Variants in TNNI3K observed in about 807,000 individuals in gnomAD.
The protein encoded by TNNI3K is TNNI3 interacting kinase.
A neutral mutation model predicts 114.5 loss-of-function variants in TNNI3K; 140 were observed. The observed-to-expected ratio is 1.22, with a 90% CI of 1.07 to 1.41. TNNI3K has a LOEUF of 1.41. Among genes scored for constraint, TNNI3K ranks in the 40% most tolerant of loss-of-function variants. The pLI is 0.00. For synonymous variants in TNNI3K, 347 were observed against 347.5 expected (o/e 1.00, Z 0.02); for missense variants, 1,125 against 1,007.6 (o/e 1.12, Z -1.58).
At chr1:74,440,471 C>A (rs1392932863) in intron 20 of TNNI3K, among the ~76,000 whole-genome samples, 1 of 152,062 alleles carries the variant, frequency 6.6e-6, no homozygotes, top group Non-Finnish European at 1.5e-5. Flanking sequence ...GTTACTTAAA[C>A]ATCCCTTTTA....
intron 4 of TNNI3K, 36 bp from the exon 5 acceptor site, chr1:74,271,562 G>T: frequency 6.4e-7 from 1 of 1,554,986 alleles, no homozygotes; most frequent in Non-Finnish European, 8.7e-7. Context: ...CCTGTTATTA[G>T]CAGAAAAGTA....
intron 5 of TNNI3K, among the ~76,000 whole-genome samples, chr1:74,315,295 GATA>G (rs1659247630): frequency 6.6e-6 from 1 of 152,108 alleles, no homozygotes; most frequent in African/African-American, 2.4e-5. Flanking sequence ...TTCCAAGACT[GATA>G]TTTAAACACA....
Position 74,367,976 on chromosome 1 carries a change from C to A in TNNI3K, c.1321+12C>A. 1 of 1,553,688 alleles carries A rather than the reference C, an allele frequency of 6.4e-7. No homozygotes were observed. The highest frequency in any genetic ancestry group is 2.1e-5 in the Admixed American group (1 of 48,066). On this transcript the variant is annotated intron_variant, in intron 13 of 24. Coordinates refer to ENST00000326637, the MANE Select transcript of TNNI3K (RefSeq NM_015978.3). ...AAGCATGACAAAAGGTACCTATAAT[C>A]TGGGACAATTGTTATATTTAATTAC...
chr1:74,262,250 T>C (rs1037571594), intron 4 of TNNI3K, among the ~76,000 whole-genome samples: 1 of 152,088 alleles, frequency 6.6e-6, no homozygotes, highest in Non-Finnish European at 1.5e-5. Context: ...TCCTTTGTGT[T>C]ATAAAAATGT....
intron 22 of TNNI3K, among the ~76,000 whole-genome samples, chr1:74,489,486 A>G (rs77675360): frequency 3.9e-4 from 60 of 152,364 alleles, no homozygotes; most frequent in African/African-American, 1.3e-3. Context: ...AGGCAAATGG[A>G]CACAGTCATG....
chr1:74,513,788 G>A (rs1353101525), intron 23 of TNNI3K, among the ~76,000 whole-genome samples: 1 of 152,172 alleles, frequency 6.6e-6, no homozygotes, highest in Admixed American at 6.5e-5. Flanking sequence ...GTGAATTTCA[G>A]CAAATCTAAT....
At position 74,436,542 on chromosome 1, in the gene TNNI3K, T is replaced by C; in HGVS notation, c.1878+16T>C. The C allele has an allele frequency of 6.3e-7, 1 of 1,582,968 alleles. No individual in the cohort carries two copies. The highest frequency in any genetic ancestry group is 8.5e-7 in the Non-Finnish European group (1 of 1,171,466). Reference sequence around the variant, plus strand: ...ACAACCTGGGGTTTGCTGCTGCTTGTGTTTCCTATAATTATAAACCAATTA... The same window carrying C: ...ACAACCTGGGGTTTGCTGCTGCTTGCGTTTCCTATAATTATAAACCAATTA... On this transcript the variant is annotated intron_variant, in intron 19 of 24. Transcript: ENST00000326637.
Position 74,405,845 on chromosome 1 carries a change from T to G in TNNI3K, c.1773-30235T>G, listed in dbSNP as rs118133283. Among the ~76,000 whole-genome samples, 327 of 152,366 alleles carry G rather than the reference T, an allele frequency of 2.1e-3. 12 individuals carry two copies. The East Asian group carries it at 0.052, about 24-fold the overall frequency. On this transcript the variant is annotated intron_variant, in intron 17 of 24. Coordinates refer to ENST00000326637, the MANE Select transcript of TNNI3K (RefSeq NM_015978.3). ...TCAAAAAGTCGGTTGAATACTAATC[T>G]GAAACTTTTACATGTGAACATTGGA...
intron 23 of TNNI3K, among the ~76,000 whole-genome samples, chr1:74,498,645 G>A (rs1474317507): frequency 6.6e-6 from 1 of 151,702 alleles, no homozygotes; most frequent in Non-Finnish European, 1.5e-5. Context: ...AGATTTTTTT[G>A]ACTCCTACAT....
chr1:74,401,785 T>C (rs540485972), intron 17 of TNNI3K: 1 of 438,938 alleles, frequency 2.3e-6, no homozygotes, highest in African/African-American at 2.0e-5. Context: ...TGCTATGTAA[T>C]TAATTCAAAT....
rs898690532 is a variant in TNNI3K at position 74,469,496 on chromosome 1, T to C, written c.2121+5946T>C. ...TATTGTAATACCACTAATTGAGATA[T>C]GTATAATAATTTACATGAAATAAAC... On this transcript the variant is annotated intron_variant, in intron 21 of 24. Coordinates refer to ENST00000326637, the MANE Select transcript of TNNI3K (RefSeq NM_015978.3). The C allele has an allele frequency of 3.1e-5, 5 of 158,786 alleles. No homozygotes were observed. The South Asian group carries it at 1.0e-3, about 32-fold the overall frequency. 9.8% of individuals were successfully genotyped at this position (158,786 alleles called of 1,614,324 possible).
chr1:74,421,599 G>A (rs563837390), intron 17 of TNNI3K, among the ~76,000 whole-genome samples: 20 of 152,216 alleles, frequency 1.3e-4, no homozygotes, highest in Non-Finnish European at 2.4e-4. Context: ...ATTAAATGCT[G>A]TAAGAACTTA....
chr1:74,479,885 C>T (rs910201745), intron 21 of TNNI3K, among the ~76,000 whole-genome samples: 1 of 152,216 alleles, frequency 6.6e-6, no homozygotes, highest in Non-Finnish European at 1.5e-5. Flanking sequence ...AGCAGGTTAA[C>T]CTGTTCAAGG....
intron 23 of TNNI3K, among the ~76,000 whole-genome samples, chr1:74,497,313 A>G (rs1669378031): frequency 6.6e-6 from 1 of 152,030 alleles, no homozygotes; most frequent in African/African-American, 2.4e-5. Context: ...TCATCACCCC[A>G]GGTCAAATAC....
At chr1:74,485,257 C>T (rs1204304167) in intron 21 of TNNI3K, among the ~76,000 whole-genome samples, 1 of 152,198 alleles carries the variant, frequency 6.6e-6, no homozygotes, top group Non-Finnish European at 1.5e-5. Flanking sequence ...CAGTGAATTT[C>T]CATGGGCAGA....
At chr1:74,395,190 C>A (rs1319974238) in intron 17 of TNNI3K, among the ~76,000 whole-genome samples, 1 of 152,130 alleles carries the variant, frequency 6.6e-6, no homozygotes, top group Admixed American at 6.5e-5. Flanking sequence ...CTTGTTGTAA[C>A]CATGCTGGGG....
At chr1:74,538,305 C>T (rs145267047) in intron 23 of TNNI3K, among the ~76,000 whole-genome samples, 30 of 152,070 alleles carry the variant, frequency 2.0e-4, no homozygotes, top group African/African-American at 6.5e-4. Context: ...CAGGGGAATG[C>T]TGTGGTAAGG....
intron 5 of TNNI3K, among the ~76,000 whole-genome samples, chr1:74,328,726 A>G (rs1313878243): frequency 1.3e-5 from 2 of 152,108 alleles, no homozygotes; most frequent in East Asian, 1.9e-4. Context: ...GTGCAAACTT[A>G]GGAGGAAAAA....
At chr1:74,469,301 T>C (rs1667803769) in intron 21 of TNNI3K, 1 of 152,594 alleles carries the variant, frequency 6.6e-6, no homozygotes, top group African/African-American at 2.4e-5. Context: ...TAAAGACTTC[T>C]ACTTAAATCT....
Sources: gnomAD v4.1 joint callset for allele counts (sites outside exome capture counted in the v4.1 genomes callset) on GRCh38, gnomAD v4.1.1 for gene constraint, MANE v1.5 for transcripts, NCBI Gene and HGNC (gene_info 2026-07-23, HGNC 2026-07-21) for gene names.